The following SLC44A5 variants were observed in gnomAD, a reference collection of about 807,000 sequenced individuals.
SLC44A5 encodes solute carrier family 44 member 5, also known as choline transporter-like protein 5.
SLC44A5 carries 57 observed loss-of-function variants against 101.8 expected under a neutral mutation model. That is an observed-to-expected ratio of 0.56 (90% CI 0.45 to 0.70). The LOEUF is 0.70. Ranked by LOEUF, SLC44A5 falls within the 30% of genes least tolerant of loss-of-function variation. The pLI is 0.00. For missense variants in SLC44A5, 737 were observed against 853.1 expected, an observed-to-expected ratio of 0.86 and a Z score of 1.70; for synonymous variants, 281 against 290.9, an observed-to-expected ratio of 0.97 and a Z score of 0.35.
intron 1 of SLC44A5, among the ~76,000 whole-genome samples, chr1:75,587,025 C>T (rs975991544): frequency 1.8e-4 from 28 of 152,020 alleles, no homozygotes; most frequent in African/African-American, 6.8e-4. Flanking sequence ...CAGGCTGGTG[C>T]CCCCTAGAAG....
chr1:75,423,863 C>A (rs549122835), intron 2 of SLC44A5, among the ~76,000 whole-genome samples: 1 of 152,304 alleles, frequency 6.6e-6, no homozygotes, highest in Admixed American at 6.5e-5. Flanking sequence ...CTGCTGTTTT[C>A]CATTTAAAAC....
chr1:75,361,361 AAG>A (rs1330036658), intron 3 of SLC44A5, among the ~76,000 whole-genome samples: 2 of 152,090 alleles, frequency 1.3e-5, no homozygotes, highest in African/African-American at 4.8e-5. Flanking sequence ...AAGAAGTCAT[AAG>A]AGTGAGCATT....
intron 2 of SLC44A5, among the ~76,000 whole-genome samples, chr1:75,486,644 G>A (rs925650999): frequency 2.0e-5 from 3 of 152,118 alleles, no homozygotes; most frequent in African/African-American, 7.2e-5. Flanking sequence ...TTCCAAATGG[G>A]AGAAATTGGC....
chr1:75,210,680 G>GA (rs775133868), intron 23 of SLC44A5, among the ~76,000 whole-genome samples: 19 of 152,182 alleles, frequency 1.2e-4, no homozygotes, highest in Non-Finnish European at 2.4e-4. Context: ...AAGCATGGCA[G>GA]AAGCCAATCA....
At chr1:75,632,003 G>A in the SLC44A5 span, among the ~76,000 whole-genome samples, 8 of 152,164 alleles carry the variant, frequency 5.3e-5, no homozygotes, top group Non-Finnish European at 7.3e-5. Context: ...AGTGCCTGGA[G>A]TCACTGACGA....
At chr1:75,716,461 ACT>A in the SLC44A5 span, among the ~76,000 whole-genome samples, 6,709 of 152,012 alleles carry the variant, frequency 0.044, 201 homozygotes, top group African/African-American at 0.092. Context: ...ACAGAGTGAC[ACT>A]CTGTCTCAAA....
chr1:75,654,528 A>T, the SLC44A5 span, among the ~76,000 whole-genome samples: 1 of 152,212 alleles, frequency 6.6e-6, no homozygotes, highest in East Asian at 1.9e-4. Context: ...CCCTAGAAAC[A>T]TGATAAAAGG....
chr1:75,633,059 T>C, the SLC44A5 span, among the ~76,000 whole-genome samples: 6 of 152,312 alleles, frequency 3.9e-5, no homozygotes, highest in South Asian at 1.0e-3. Context: ...GATCTATTCA[T>C]CTTTAAATCC....
At chr1:75,460,962 C>T (rs760563034) in intron 2 of SLC44A5, among the ~76,000 whole-genome samples, 1 of 151,482 alleles carries the variant, frequency 6.6e-6, no homozygotes, top group African/African-American at 2.4e-5. Flanking sequence ...GACATCCTTG[C>T]AAATTTATCC....
intron 1 of SLC44A5, among the ~76,000 whole-genome samples, chr1:75,596,137 C>A (rs1157970306): frequency 6.6e-6 from 1 of 151,830 alleles, no homozygotes; most frequent in Admixed American, 6.6e-5. Context: ...CCACACTTAA[C>A]CTTTAGGCTC....
chr1:75,375,643 TG>T (rs1660531279), intron 3 of SLC44A5, among the ~76,000 whole-genome samples: 2 of 152,172 alleles, frequency 1.3e-5, no homozygotes, highest in African/African-American at 4.8e-5. Flanking sequence ...AGGTGAACAG[TG>T]GACTTCTCAG....
chr1:75,311,847 C>T (rs1655328288), intron 4 of SLC44A5: 1 of 152,220 alleles, frequency 6.6e-6, no homozygotes, highest in South Asian at 2.1e-4. Flanking sequence ...GAAGGGGTCT[C>T]TGAAGTGGTT....
chr1:75,393,344 C>T (rs1661917293), intron 3 of SLC44A5, among the ~76,000 whole-genome samples: 1 of 152,144 alleles, frequency 6.6e-6, no homozygotes, highest in Admixed American at 6.6e-5. Context: ...TTTAAAAAGA[C>T]TCTCTGTATA....
At chr1:75,497,753 C>T (rs986344623) in intron 2 of SLC44A5, among the ~76,000 whole-genome samples, 3 of 151,830 alleles carry the variant, frequency 2.0e-5, no homozygotes, top group Non-Finnish European at 2.9e-5. Context: ...CATTGTGTAC[C>T]TTAAATATAT....
At chr1:75,322,600 T>C (rs1557661598) in intron 4 of SLC44A5, among the ~76,000 whole-genome samples, 3 of 152,160 alleles carry the variant, frequency 2.0e-5, no homozygotes, top group South Asian at 2.1e-4. Context: ...TTTGACATAA[T>C]TTTGAGGCAA....
chr1:75,350,497 C>A (rs530755747), intron 3 of SLC44A5, among the ~76,000 whole-genome samples: 113 of 150,964 alleles, frequency 7.5e-4, no homozygotes, highest in Non-Finnish European at 1.1e-3. Context: ...TTACATTCAA[C>A]AGAAAGGGAC....
In SLC44A5 at chr1:75,232,811, C is replaced by T. The variant is rs146721034; in HGVS notation, c.853+1175G>A. Among the ~76,000 whole-genome samples the T allele has an allele frequency of 2.3e-3, 357 of 152,296 alleles. 1 individual carries two copies. Among genetic ancestry groups the T allele is most frequent in the African/African-American group, 8.3e-3 (343 of 41,574 alleles). The stretch of plus-strand genomic sequence containing the variant: ...GAATACCAGGTCTTTTAACCACCAA[C>T]AAACTTCCAAAGTTACCCAGTTGTA... On this transcript the variant is annotated intron_variant, in intron 12 of 23. Transcript: ENST00000370859.
intron 11 of SLC44A5, 64 bp downstream of exon 11, chr1:75,236,923 A>C: frequency 4.8e-6 from 4 of 831,350 alleles, no homozygotes; most frequent in Non-Finnish European, 5.7e-6. Flanking sequence ...ATTTGAAGAA[A>C]GAGTTCTACA....
At chr1:75,656,534 G>T in the SLC44A5 span, among the ~76,000 whole-genome samples, 2 of 152,280 alleles carry the variant, frequency 1.3e-5, no homozygotes, top group East Asian at 3.9e-4. Context: ...TTAAAGTACA[G>T]AGTGTTATAA....
Sources: allele counts gnomAD v4.1 joint callset (sites outside exome capture counted in the v4.1 genomes callset), GRCh38; gene constraint gnomAD v4.1.1; transcripts MANE v1.5; gene names NCBI Gene and HGNC (gene_info 2026-07-23, HGNC 2026-07-21).